KAZN: variants seen among roughly 807,000 people sequenced by gnomAD.
The protein encoded by KAZN is kazrin, periplakin interacting protein.
In KAZN, 40 loss-of-function variants were observed where a neutral mutation model predicts 87.4. That is an observed-to-expected ratio of 0.46 (90% CI 0.36 to 0.60). The LOEUF is 0.60. Among genes scored for constraint, KAZN ranks in the 20% least tolerant of loss-of-function variants. KAZN has a pLI of 0.00. For synonymous variants in KAZN, 466 were observed against 458.3 expected (o/e 1.02, Z -0.22); for missense variants, 898 against 1,073.9 (o/e 0.84, Z 2.29).
At chr1:14,641,953 A>T (rs1680436686) in intron 1 of KAZN, among the ~76,000 whole-genome samples, 1 of 152,252 alleles carries the variant, frequency 6.6e-6, no homozygotes. Flanking sequence ...TATATAAAGA[A>T]TTCTCAAACT....
At chr1:14,788,387 T>C (rs747350070) in intron 1 of KAZN, among the ~76,000 whole-genome samples, 28 of 152,162 alleles carry the variant, frequency 1.8e-4, no homozygotes, top group Non-Finnish European at 4.1e-4. Flanking sequence ...AATCTTTAGC[T>C]CAAATGAATT....
chr1:15,011,216 A>G (rs958726785), intron 2 of KAZN, among the ~76,000 whole-genome samples: 6 of 152,342 alleles, frequency 3.9e-5, no homozygotes, highest in Middle Eastern at 3.4e-3. Flanking sequence ...TACCCTGCTT[A>G]TGTAGCCAGT....
chr1:14,464,118 T>C (rs559262171), intron 2 of KAZN, among the ~76,000 whole-genome samples: 1 of 152,322 alleles, frequency 6.6e-6, no homozygotes, highest in South Asian at 2.1e-4. Flanking sequence ...TTTCAGAACA[T>C]TAATCCACGG....
intron 2 of KAZN, among the ~76,000 whole-genome samples, chr1:14,547,004 A>G (rs373016003): frequency 2.0e-5 from 3 of 152,158 alleles, no homozygotes; most frequent in Non-Finnish European, 4.4e-5. Context: ...ATATTTACTG[A>G]GTGAGCTGGG....
chr1:14,666,046 A>G (rs1215817948), intron 1 of KAZN, among the ~76,000 whole-genome samples: 1 of 152,168 alleles, frequency 6.6e-6, no homozygotes, highest in East Asian at 1.9e-4. Flanking sequence ...ATTTAAAAAA[A>G]AAAAGCTTTA....
intron 2 of KAZN, among the ~76,000 whole-genome samples, chr1:14,223,276 A>C (rs982001488): frequency 5.9e-5 from 9 of 152,216 alleles, no homozygotes; most frequent in African/African-American, 2.2e-4. Context: ...GGTTGTTAGC[A>C]TCAAGTTCTT....
intron 2 of KAZN, among the ~76,000 whole-genome samples, chr1:14,385,265 T>C (rs1218423837): frequency 6.6e-6 from 1 of 152,234 alleles, no homozygotes; most frequent in Non-Finnish European, 1.5e-5. Flanking sequence ...AAAAACCAGC[T>C]CCTGGATTCA....
chr1:15,082,797 A>T (rs1640068705), intron 8 of KAZN, among the ~76,000 whole-genome samples: 1 of 152,186 alleles, frequency 6.6e-6, no homozygotes, highest in African/African-American at 2.4e-5. Flanking sequence ...GGTTCAAGCG[A>T]TTCTCATGCC....
intron 2 of KAZN, among the ~76,000 whole-genome samples, chr1:14,304,359 G>T (rs1432886721): frequency 1.3e-5 from 2 of 152,130 alleles, no homozygotes; most frequent in African/African-American, 2.4e-5. Flanking sequence ...TAAGGACCTG[G>T]TCAGGACCTT....
At chr1:14,665,094 C>G (rs149122076) in intron 1 of KAZN, among the ~76,000 whole-genome samples, 100 of 152,296 alleles carry the variant, frequency 6.6e-4, no homozygotes, top group African/African-American at 2.2e-3. Flanking sequence ...CCATGTACCC[C>G]TCTTTATTCC....
chr1:13,995,219 C>CAAAAAAAAAA (rs113600200), intron 1 of KAZN, among the ~76,000 whole-genome samples: 55 of 107,378 alleles, frequency 5.1e-4, no homozygotes, highest in African/African-American at 1.5e-3. Context: ...TGCAATAAGG[C>CAAAAAAAAAA]AAAAAAAAAA....
chr1:15,061,541 T>TG (rs1249690605), intron 6 of KAZN: 1 of 152,180 alleles, frequency 6.6e-6, no homozygotes, highest in East Asian at 1.9e-4. Flanking sequence ...GTGTGTGTGA[T>TG]GGAGTTTCAC....
Position 13,996,202 on chromosome 1 carries a change from A to G in KAZN, c.91+102446A>G, listed in dbSNP as rs1050964391. Among the ~76,000 whole-genome samples the G allele has an allele frequency of 2.0e-4, 30 of 152,042 alleles. 1 individual carries two copies. The highest frequency in any genetic ancestry group is 1.5e-4 in the Non-Finnish European group (10 of 67,984). Reference sequence around the variant, plus strand: ...TGTGCTTTTTCCACAGAACTGTACAACTCACAGATCGGAAGATCCCACTCA... The same window carrying G: ...TGTGCTTTTTCCACAGAACTGTACAGCTCACAGATCGGAAGATCCCACTCA... On this transcript the variant is annotated intron_variant, in intron 1 of 16. Coordinates refer to the KAZN transcript ENST00000636203.
At chr1:14,141,254 CA>C (rs1211262829) in intron 1 of KAZN, among the ~76,000 whole-genome samples, 1 of 37,312 alleles carries the variant, frequency 2.7e-5, no homozygotes, top group African/African-American at 2.1e-4. Context: ...AAAAAAAAAA[CA>C]AAACTAAAAA....
At chr1:14,845,138 T>C (rs891798435) in intron 1 of KAZN, among the ~76,000 whole-genome samples, 1 of 149,586 alleles carries the variant, frequency 6.7e-6, no homozygotes, top group Non-Finnish European at 1.5e-5. Context: ...GATGAGTGGA[T>C]GATGAATGGA....
chr1:14,753,781 A>T (rs1440150028), intron 1 of KAZN, among the ~76,000 whole-genome samples: 1 of 152,152 alleles, frequency 6.6e-6, no homozygotes, highest in African/African-American at 2.4e-5. Context: ...GGGAGGGAAC[A>T]CACTAGAATG....
At chr1:13,929,795 T>A (rs971268681) in intron 1 of KAZN, among the ~76,000 whole-genome samples, 3 of 152,210 alleles carry the variant, frequency 2.0e-5, no homozygotes, top group Non-Finnish European at 2.9e-5. Flanking sequence ...AGGTAGAATG[T>A]ATTAAGTGTT....
chr1:15,082,069 G>A (rs1033631322), intron 8 of KAZN, among the ~76,000 whole-genome samples: 1 of 152,162 alleles, frequency 6.6e-6, no homozygotes, highest in Non-Finnish European at 1.5e-5. Context: ...ACTCAGGAGT[G>A]ATGGAATTCA....
At chr1:14,472,184 C>G (rs1668492314) in intron 2 of KAZN, among the ~76,000 whole-genome samples, 1 of 152,180 alleles carries the variant, frequency 6.6e-6, no homozygotes, top group Non-Finnish European at 1.5e-5. Context: ...TAATCAGGTC[C>G]TGAAAGGCCC....
Sources: allele counts gnomAD v4.1 joint callset (sites outside exome capture counted in the v4.1 genomes callset), GRCh38; gene constraint gnomAD v4.1.1; transcripts MANE v1.5; gene names NCBI Gene and HGNC (gene_info 2026-07-23, HGNC 2026-07-21).